The following DNAJC21 variants were observed in gnomAD, a reference collection of about 807,000 sequenced individuals.
DNAJC21 encodes the protein DnaJ heat shock protein family (Hsp40) member C21.
A neutral mutation model predicts 72.4 loss-of-function variants in DNAJC21; 63 were observed. The ratio of observed to expected loss-of-function variants is 0.87; its 90% confidence interval spans 0.71 to 1.07. The LOEUF (loss-of-function observed/expected upper bound fraction) is 1.07. Among genes scored for constraint, DNAJC21 ranks in the 50% least tolerant of loss-of-function variants. The pLI is 0.00. For synonymous variants in DNAJC21, 203 were observed against 216.7 expected, an observed-to-expected ratio of 0.94 and a Z score of 0.56; for missense variants, 634 against 644.8, an observed-to-expected ratio of 0.98 and a Z score of 0.18.
intron 1 of DNAJC21, among the ~76,000 whole-genome samples, chr5:34,931,512 G>A (rs149537983): frequency 1.2e-4 from 18 of 152,304 alleles, no homozygotes; most frequent in African/African-American, 4.3e-4. Context: ...GTGACCAAAA[G>A]CGTATGTAAT....
chr5:34,944,627 G>A (rs1455393149), intron 7 of DNAJC21, among the ~76,000 whole-genome samples: 2 of 152,030 alleles, frequency 1.3e-5, no homozygotes, highest in South Asian at 2.1e-4. Flanking sequence ...GCTGTGGTAC[G>A]GAAAGAAAGA....
chr5:34,949,643 A>G (rs1214728847), intron 9 of DNAJC21: 5 of 1,613,058 alleles, frequency 3.1e-6, no homozygotes, highest in African/African-American at 1.3e-5. Context: ...GAGAGCGAGC[A>G]CAAATGTGCC....
intron 9 of DNAJC21, among the ~76,000 whole-genome samples, chr5:34,946,549 T>A (rs1357870874): frequency 6.6e-6 from 1 of 152,162 alleles, no homozygotes; most frequent in Non-Finnish European, 1.5e-5. Context: ...ATATATTTAA[T>A]AGTCTTTTTT....
chr5:34,952,566 A>C (rs570107640), intron 10 of DNAJC21: 2 of 152,330 alleles, frequency 1.3e-5, no homozygotes, highest in African/African-American at 2.4e-5. Context: ...GGTTAGCACA[A>C]ATGGGGGAAA....
chr5:34,936,467 C>T (rs944302986), intron 4 of DNAJC21, among the ~76,000 whole-genome samples: 12 of 152,210 alleles, frequency 7.9e-5, no homozygotes, highest in Middle Eastern at 3.4e-3. Flanking sequence ...CACAAGTGTG[C>T]GCCACGACAT....
chr5:34,945,571 C>A, intron 8 of DNAJC21, 190 bp from the exon 9 acceptor site: 1 of 511,652 alleles, frequency 2.0e-6, no homozygotes, highest in Non-Finnish European at 3.4e-6. Context: ...CATTGAACTA[C>A]AGCCTTGTGT....
At chr5:34,949,001 G>A (rs573167893) in intron 9 of DNAJC21, among the ~76,000 whole-genome samples, 5 of 152,262 alleles carry the variant, frequency 3.3e-5, no homozygotes, top group Admixed American at 2.6e-4. Flanking sequence ...AATGTTTCAG[G>A]CAAGAATCAT....
intron 1 of DNAJC21, 102 bp downstream of exon 1, chr5:34,930,018 C>A: frequency 1.1e-6 from 1 of 927,668 alleles, no homozygotes; most frequent in Non-Finnish European, 1.5e-6. Context: ...CAGAGAGGGA[C>A]CTGGCGGCCT....
rs762461487 is a variant in DNAJC21, at chr5:34,929,879, G to A, written c.60G>A (p.Lys20=). Residue 20 remains lysine, a synonymous_variant, in exon 1 of 12, where the codon AAG becomes AAA. Transcript: ENST00000648817. ...GCGACGCCAGCGAGGAGGAGCTCAAGAAGGCCTATCGGAAGCTGGCCCTGA... is the reference window on the plus strand; with the variant it reads ...GCGACGCCAGCGAGGAGGAGCTCAAAAAGGCCTATCGGAAGCTGGCCCTGA... ...VRRDASEEEL[K]KAYRKLALKW... is the part of the protein sequence containing the mutation. The A allele has an allele frequency of 1.9e-6, 3 of 1,584,460 alleles. No individual in the cohort carries two copies. Among genetic ancestry groups the A allele is most frequent in the South Asian group, 1.1e-5 (1 of 88,296 alleles).
intron 4 of DNAJC21, 120 bp downstream of exon 4, chr5:34,936,386 A>T: frequency 8.4e-7 from 1 of 1,192,350 alleles, no homozygotes; most frequent in East Asian, 2.6e-5. Flanking sequence ...TGGTATGATC[A>T]TATCTCACAG....
At chr5:34,932,860 GC>G (rs1764647415) in intron 1 of DNAJC21, among the ~76,000 whole-genome samples, 1 of 152,226 alleles carries the variant, frequency 6.6e-6, no homozygotes, top group Non-Finnish European at 1.5e-5. Flanking sequence ...GGTAGAAACT[GC>G]AGTCTTTTAT....
At chr5:34,932,296 C>T (rs1347186986) in intron 1 of DNAJC21, among the ~76,000 whole-genome samples, 2 of 152,010 alleles carry the variant, frequency 1.3e-5, no homozygotes, top group East Asian at 1.9e-4. Context: ...TGGCGCACGC[C>T]TGTGGTCCCA....
At chr5:34,940,912 T>G (rs1267142101) in intron 6 of DNAJC21, among the ~76,000 whole-genome samples, 184 bp from the exon 7 acceptor site, 1 of 152,224 alleles carries the variant, frequency 6.6e-6, no homozygotes, top group East Asian at 1.9e-4. Flanking sequence ...AACTTGAAAG[T>G]TAAGGTGCTT....
chr5:34,929,774 C>T lies in DNAJC21; in HGVS notation c.-46C>T. The T allele has an allele frequency of 5.5e-6, 6 of 1,097,630 alleles. No homozygotes were observed. The highest frequency in any genetic ancestry group is 6.8e-6 in the Non-Finnish European group (6 of 877,230). 68.0% of individuals were successfully genotyped at this position (1,097,630 alleles called of 1,614,324 possible). A position where few individuals can be genotyped will look rare whatever the true frequency, so the allele number is the denominator to read the frequency against. On this transcript the variant is annotated 5_prime_UTR_variant, in exon 1 of 12. Coordinates refer to ENST00000648817, the MANE Select transcript of DNAJC21 (RefSeq NM_001012339.3). The stretch of plus-strand genomic sequence containing the variant: ...GCCGCTTCGGCCCGGGCCCGGGCCC[C>T]GACCCCGTCCCGGGCCCCAGCGCCG...
chr5:34,945,714 C>G, intron 8 of DNAJC21, 47 bp from the exon 9 acceptor site: 2 of 1,484,638 alleles, frequency 1.3e-6, no homozygotes, highest in Non-Finnish European at 1.8e-6. Flanking sequence ...TCCACTTACT[C>G]TTCACAGAGT....
chr5:34,938,216 C>T (rs1278685330), intron 5 of DNAJC21, among the ~76,000 whole-genome samples: 1 of 152,190 alleles, frequency 6.6e-6, no homozygotes, highest in Non-Finnish European at 1.5e-5. Flanking sequence ...TGAATTCTTC[C>T]TCTGTGCAAG....
At chr5:34,936,048 C>T in intron 3 of DNAJC21, 96 bp from the exon 4 acceptor site, 5 of 1,519,248 alleles carry the variant, frequency 3.3e-6, no homozygotes, top group Admixed American at 2.2e-5. Flanking sequence ...TCCCAAAATT[C>T]TTCAACATTA....
In DNAJC21 at chr5:34,941,182, G is replaced by A; in HGVS notation, c.982G>A (p.Ala328Thr). Residue 328 changes from alanine to threonine, a missense_variant and splice_region_variant, in exon 7 of 12, where the codon GCC becomes ACC. Transcript: ENST00000648817. ...ACDKSFKTEK[A>T]MKNHEKSKKH... is the part of the protein sequence containing the mutation. ...TGACAAATCGTTCAAGACAGAAAAG[G>A]CGTAAGTTTATTAATTTAATTTAAT... 1 of 1,613,616 alleles carries A rather than the reference G, an allele frequency of 6.2e-7. No individual in the cohort carries two copies.
At chr5:34,930,129 C>T (rs1764536131) in intron 1 of DNAJC21, 1 of 368,178 alleles carries the variant, frequency 2.7e-6, no homozygotes, top group South Asian at 5.7e-5. Context: ...ACCCCATCTC[C>T]TCATACCCGC....
Sources: gnomAD v4.1 joint callset for allele counts (sites outside exome capture counted in the v4.1 genomes callset) on GRCh38, gnomAD v4.1.1 for gene constraint, MANE v1.5 for transcripts, NCBI Gene and HGNC (gene_info 2026-07-23, HGNC 2026-07-21) for gene names.